Variants in ST18 observed in about 807,000 individuals in gnomAD.
ST18 encodes ST18 C2H2C-type zinc finger transcription factor, also known as suppression of tumorigenicity 18 protein.
In ST18, 50 loss-of-function variants were observed where a neutral mutation model predicts 110.0. The ratio of observed to expected loss-of-function variants is 0.45; its 90% CI spans 0.36 to 0.58. The LOEUF is 0.58. Ranked by LOEUF, ST18 falls within the 20% of genes least tolerant of loss-of-function variation. ST18 has a pLI of 0.00. For missense variants in ST18, 1,306 were observed against 1,280.1 expected, an observed-to-expected ratio of 1.02 and a Z score of -0.31; for synonymous variants, 461 against 452.4, an observed-to-expected ratio of 1.02 and a Z score of -0.24.
chr8:52,171,464 C>A, intron 10 of ST18: 2 of 399,508 alleles, frequency 5.0e-6, no homozygotes, highest in East Asian at 6.9e-5. Flanking sequence ...GATTTAAGAT[C>A]CAGTAAATAC....
intron 2 of ST18, among the ~76,000 whole-genome samples, chr8:52,267,262 G>A (rs2094902761): frequency 6.6e-6 from 1 of 151,984 alleles, no homozygotes; most frequent in African/African-American, 2.4e-5. Context: ...GGTGCCAAGA[G>A]TGGTATTAGG....
intron 8 of ST18, among the ~76,000 whole-genome samples, chr8:52,192,617 C>G (rs1228670155): frequency 1.3e-5 from 2 of 152,056 alleles, no homozygotes; most frequent in Non-Finnish European, 2.9e-5. Flanking sequence ...GGCATCATGC[C>G]AAATAAAAAA....
intron 2 of ST18, among the ~76,000 whole-genome samples, chr8:52,351,945 CTG>C (rs1820554643): frequency 6.6e-6 from 1 of 152,102 alleles, no homozygotes; most frequent in African/African-American, 2.4e-5. Context: ...GTGTTAAACA[CTG>C]GAATCAATTT....
intron 2 of ST18, among the ~76,000 whole-genome samples, chr8:52,273,712 T>C (rs145018424): frequency 6.6e-6 from 1 of 152,342 alleles, no homozygotes; most frequent in African/African-American, 2.4e-5. Context: ...TTGGTCTATT[T>C]GCATTTTGAG....
chr8:52,152,998 T>C (rs1486351070), intron 15 of ST18, among the ~76,000 whole-genome samples: 1 of 152,226 alleles, frequency 6.6e-6, no homozygotes, highest in Admixed American at 6.5e-5. Flanking sequence ...GAGAAATGTG[T>C]TTTCTGAAAA....
intron 8 of ST18, among the ~76,000 whole-genome samples, chr8:52,205,221 A>G (rs2135672562): frequency 6.6e-6 from 1 of 150,780 alleles, no homozygotes; most frequent in African/African-American, 2.4e-5. Context: ...CATGTAATAA[A>G]AACTGGAAAA....
intron 2 of ST18, among the ~76,000 whole-genome samples, chr8:52,300,151 C>T (rs1404910843): frequency 2.0e-5 from 3 of 152,134 alleles, no homozygotes; most frequent in Non-Finnish European, 4.4e-5. Context: ...TTTTTGATTA[C>T]TAAAATGTTT....
At chr8:52,234,728 G>GGTGTGTGTGT (rs3054614) in intron 2 of ST18, among the ~76,000 whole-genome samples, 3,127 of 145,666 alleles carry the variant, frequency 0.021, 46 homozygotes, top group African/African-American at 0.035. Context: ...AAGAAACTAT[G>GGTGTGTGTGT]GTGTGTGTGT....
At position 52,372,913 on chromosome 8, in the gene ST18, G is replaced by A. The variant is rs560499280; in HGVS notation, c.-465+36415C>T. ...GGGTAGTATGAATGTTTATTGTACAGAGCATACCTGAATTTTTTCAAAATA... is the reference window on the plus strand; with the variant it reads ...GGGTAGTATGAATGTTTATTGTACAAAGCATACCTGAATTTTTTCAAAATA... On this transcript the variant is annotated intron_variant, in intron 2 of 25. Transcript: ENST00000689386. 5.9e-5 allele frequency among the ~76,000 whole-genome samples: 9 copies of A among 152,334 alleles called. No homozygotes were observed. The South Asian group carries it at 1.9e-3, about 32-fold the overall frequency.
At chr8:52,178,893 A>T (rs2068184205) in intron 9 of ST18, among the ~76,000 whole-genome samples, 1 of 152,076 alleles carries the variant, frequency 6.6e-6, no homozygotes. Context: ...AGCCAGTATT[A>T]CTGGATCTAG....
At chr8:52,233,033 G>C (rs1311828769) in intron 2 of ST18, among the ~76,000 whole-genome samples, 2 of 152,074 alleles carry the variant, frequency 1.3e-5, no homozygotes, top group Non-Finnish European at 2.9e-5. Context: ...CTGTTCCACA[G>C]ATATTTATTT....
At chr8:52,275,165 G>T (rs1228724516) in intron 2 of ST18, among the ~76,000 whole-genome samples, 1 of 151,936 alleles carries the variant, frequency 6.6e-6, no homozygotes, top group Non-Finnish European at 1.5e-5. Flanking sequence ...TTTAATGAAA[G>T]AGCTTCCATA....
intron 2 of ST18, among the ~76,000 whole-genome samples, chr8:52,383,612 C>T (rs1441675357): frequency 6.6e-6 from 1 of 151,868 alleles, no homozygotes; most frequent in Admixed American, 6.6e-5. Flanking sequence ...CCATGCCTGG[C>T]TAATTTTTGT....
chr8:52,130,166 A>AG (rs879910173), intron 22 of ST18, among the ~76,000 whole-genome samples: 4,061 of 119,752 alleles, frequency 0.034, 153 homozygotes, highest in Admixed American at 0.1. Context: ...AAAGAAAGAA[A>AG]AAGAAAAGAA....
chr8:52,270,807 G>A (rs1462931599), intron 2 of ST18, among the ~76,000 whole-genome samples: 3 of 152,124 alleles, frequency 2.0e-5, no homozygotes, highest in African/African-American at 2.4e-5. Context: ...GTGGTGAAGT[G>A]TACACAACTC....
At chr8:52,375,480 TAA>T (rs1332141268) in intron 2 of ST18, among the ~76,000 whole-genome samples, 2 of 151,996 alleles carry the variant, frequency 1.3e-5, no homozygotes, top group African/African-American at 4.8e-5. Flanking sequence ...CTTTTCCTCC[TAA>T]CTCTCTCTTC....
chr8:52,203,812 AC>A (rs1255076472), intron 8 of ST18, among the ~76,000 whole-genome samples: 1 of 152,126 alleles, frequency 6.6e-6, no homozygotes, highest in African/African-American at 2.4e-5. Flanking sequence ...GGAGCCAACG[AC>A]CCGTGCAGTG....
chr8:52,327,892 AAACTC>A (rs1355692610), intron 2 of ST18, among the ~76,000 whole-genome samples: 2 of 152,218 alleles, frequency 1.3e-5, no homozygotes, highest in African/African-American at 4.8e-5. Flanking sequence ...TTCCACAGGA[AAACTC>A]AATAGGAGAC....
chr8:52,154,231 G>A (rs964055535), intron 15 of ST18, among the ~76,000 whole-genome samples: 7 of 152,194 alleles, frequency 4.6e-5, no homozygotes, highest in East Asian at 1.9e-4. Flanking sequence ...GGTTCTCACC[G>A]CCCAGAGGGC....
Sources: allele counts gnomAD v4.1 joint callset (sites outside exome capture counted in the v4.1 genomes callset), GRCh38; gene constraint gnomAD v4.1.1; transcripts MANE v1.5; gene names NCBI Gene and HGNC (gene_info 2026-07-23, HGNC 2026-07-21).